TBX20: variants seen among roughly 807,000 people sequenced by gnomAD.
TBX20 encodes T-box transcription factor TBX20.
A neutral mutation model predicts 42.9 loss-of-function variants in TBX20; 8 were observed. The observed-to-expected ratio is 0.19, with a 90% CI of 0.11 to 0.34. TBX20 has a LOEUF of 0.34. TBX20 is among the 10% of genes least tolerant of loss of function. TBX20 has a pLI of 1.00. For missense variants in TBX20, 411 were observed against 566.0 expected (o/e 0.73, Z 2.78); for synonymous variants, 198 against 222.8 (o/e 0.89, Z 0.99).
chr7:35,223,538 T>C (rs1257853339), intron 6 of TBX20, among the ~76,000 whole-genome samples: 5 of 151,890 alleles, frequency 3.3e-5, no homozygotes, highest in Admixed American at 6.6e-5. Flanking sequence ...ACAGAAAGCA[T>C]GGTAAATGAA....
At chr7:35,235,096 GA>G (rs1339508444) in intron 5 of TBX20, among the ~76,000 whole-genome samples, 2 of 151,866 alleles carry the variant, frequency 1.3e-5, no homozygotes, top group African/African-American at 4.8e-5. Context: ...GAATTTACAG[GA>G]AAAGCATTTC....
intron 7 of TBX20, among the ~76,000 whole-genome samples, chr7:35,203,277 A>C (rs1789338128): frequency 6.6e-6 from 1 of 152,138 alleles, no homozygotes; most frequent in African/African-American, 2.4e-5. Flanking sequence ...TGTCCCTTGA[A>C]CAACAGGGGT....
At chr7:35,213,952 GAA>G (rs1789540686) in intron 6 of TBX20, among the ~76,000 whole-genome samples, 1 of 150,986 alleles carries the variant, frequency 6.6e-6, no homozygotes, top group Non-Finnish European at 1.5e-5. Context: ...GAGTTGGGGT[GAA>G]AAGTGGGGGA....
intron 5 of TBX20, among the ~76,000 whole-genome samples, chr7:35,237,922 T>C (rs1410824759): frequency 1.3e-5 from 2 of 152,076 alleles, no homozygotes; most frequent in Non-Finnish European, 2.9e-5. Context: ...TCTCAGAGTC[T>C]ATCAGGGCCA....
Position 35,249,302 on chromosome 7 carries a change from G to A in TBX20, c.381-461C>T, listed in dbSNP as rs879083317. Among the ~76,000 whole-genome samples, 3 of 152,276 alleles carry A rather than the reference G, an allele frequency of 2.0e-5. No homozygotes were observed. The highest frequency in any genetic ancestry group is 2.1e-4 in the South Asian group (1 of 4,828). ...GGTTTCTGGGAAGGATTTCTCAGAT[G>A]CCCTGCAGGTATTTTCTGTAGTCCC... On this transcript the variant is annotated intron_variant, in intron 2 of 7. Coordinates refer to ENST00000408931, the MANE Select transcript of TBX20 (RefSeq NM_001077653.2). This position sits in a 1 kb window ranked among gnomAD's most constrained non-coding sequence, Gnocchi z 4.3.
chr7:35,240,990 A>C lies in TBX20; in HGVS notation c.702T>G (p.Ile234Met), dbSNP rs1392725266. Residue 234 changes from isoleucine to methionine, a missense_variant, in exon 5 of 8, where the codon ATT (isoleucine) becomes ATG (methionine). Physicochemically the swap from Ile to Met is conservative, Grantham distance 10 (BLOSUM62 1). Coordinates refer to ENST00000408931, the MANE Select transcript of TBX20 (RefSeq NM_001077653.2). Reference protein sequence around the residue: ...MHKYQPRVHIIKKKDHTASLL... With the variant: ...MHKYQPRVHIMKKKDHTASLL... ...ATGAGGCTGTGTGGTCTTTCTTCTT[A>C]ATGATGTGCACCCTTGGCTGGTACT... The C allele has an allele frequency of 1.2e-6, 2 of 1,613,836 alleles. No individual in the cohort carries two copies. The highest frequency in any genetic ancestry group is 3.3e-5 in the Admixed American group (2 of 60,022).
At chr7:35,220,722 C>T (rs185288744) in intron 6 of TBX20, among the ~76,000 whole-genome samples, 2 of 152,236 alleles carry the variant, frequency 1.3e-5, no homozygotes. Flanking sequence ...CTGGACATTA[C>T]AAAATATTCA....
At chr7:35,239,641 G>A (rs906577580) in intron 5 of TBX20, among the ~76,000 whole-genome samples, 21 of 152,216 alleles carry the variant, frequency 1.4e-4, no homozygotes, top group African/African-American at 5.1e-4. Flanking sequence ...AGAAGAAAAT[G>A]TATGGGAAGT....
chr7:35,204,518 C>T lies in TBX20; in HGVS notation c.955G>A (p.Gly319Arg), dbSNP rs1307889134. Residue 319 changes from glycine (G) to arginine (R), a missense_variant, in exon 7 of 8, where the codon GGA becomes AGA. By Grantham distance (125) the Gly-to-Arg change is moderately radical. Transcript: ENST00000408931. ...YARSPIRTYG[G>R]EEDVLGDESQ... is the part of the protein sequence containing the mutation. Reference sequence around the variant, plus strand: ...TCATCCCCCAAGACATCTTCTTCTCCTCCGTAGGTACGGATGGGTGAGCGT... The same window carrying T: ...TCATCCCCCAAGACATCTTCTTCTCTTCCGTAGGTACGGATGGGTGAGCGT... 6 of 1,614,008 alleles carry T rather than the reference C, an allele frequency of 3.7e-6. No individual in the cohort carries two copies. Among genetic ancestry groups the T allele is most frequent in the African/African-American group, 1.3e-5 (1 of 74,918 alleles).
At chr7:35,247,996 G>C (rs1451453821) in intron 3 of TBX20, among the ~76,000 whole-genome samples, 1 of 152,112 alleles carries the variant, frequency 6.6e-6, no homozygotes, top group Non-Finnish European at 1.5e-5. Flanking sequence ...GGTACTCCTG[G>C]AAAAACTGTA....
At chr7:35,239,190 T>C (rs1339863623) in intron 5 of TBX20, among the ~76,000 whole-genome samples, 1 of 152,120 alleles carries the variant, frequency 6.6e-6, no homozygotes, top group Admixed American at 6.5e-5. Context: ...CCACATCCCT[T>C]TTCCAGGCTT....
rs565504258 is a variant in TBX20 at position 35,203,897 on chromosome 7, T to C, written c.1003+573A>G. On this transcript the variant is annotated intron_variant, in intron 7 of 7. Transcript: ENST00000408931. ...CAGAATGGAGCCCCTCTGGGCTCTTTTCTCTGGACTCTCTTCCCAGATGCA... is the reference window on the plus strand; with the variant it reads ...CAGAATGGAGCCCCTCTGGGCTCTTCTCTCTGGACTCTCTTCCCAGATGCA... 2.8e-4 allele frequency among the ~76,000 whole-genome samples: 42 copies of C among 152,360 alleles called. No homozygotes were observed. In the South Asian group the frequency reaches 8.7e-3, roughly 32 times the overall value.
intron 3 of TBX20, 73 bp from the exon 4 acceptor site, chr7:35,245,130 A>G: frequency 9.0e-7 from 1 of 1,109,362 alleles, no homozygotes; most frequent in Non-Finnish European, 1.3e-6. Context: ...AAAATGTTCT[A>G]ATTCTAAGGG....
chr7:35,238,029 A>C (rs1351169338), intron 5 of TBX20, among the ~76,000 whole-genome samples: 1 of 152,158 alleles, frequency 6.6e-6, no homozygotes, highest in African/African-American at 2.4e-5. Flanking sequence ...AACCACCTGA[A>C]TTCAAATCTG....
chr7:35,250,154 G>A lies in TBX20; in HGVS notation c.177C>T (p.Thr59=), dbSNP rs751566851. ...CAAACTCCCCATGAGCATCCAGGCTGGTCAGCTCACCCAGGGGCTGGGCAC... is the reference window on the plus strand; with the variant it reads ...CAAACTCCCCATGAGCATCCAGGCTAGTCAGCTCACCCAGGGGCTGGGCAC... ...SSCAQPLGEL[T]SLDAHGEFGG... The change falls in exon 2 of 8, where the codon ACC becomes ACT. Residue 59 remains threonine (T), a synonymous_variant. Transcript: ENST00000408931. The A allele has an allele frequency of 2.5e-6, 4 of 1,614,000 alleles. No homozygotes were observed. Among genetic ancestry groups the A allele is most frequent in the East Asian group, 2.2e-5 (1 of 44,868 alleles).
chr7:35,253,773 C>T lies in TBX20; in HGVS notation c.-153G>A. 2 of 895,000 alleles carry T rather than the reference C, an allele frequency of 2.2e-6. No individual in the cohort carries two copies. Among genetic ancestry groups the T allele is most frequent in the East Asian group, 2.6e-5 (1 of 38,386 alleles). The allele number at this position is 895,000 out of a possible 1,614,324, so 55.4% of individuals were successfully genotyped here. The stretch of plus-strand genomic sequence containing the variant: ...CCAGAAGTGTCAGCTCCAACGACTC[C>T]AGAGCTGCACACTGGCCTCTATTCC... On this transcript the variant is annotated 5_prime_UTR_variant, in exon 1 of 8. Coordinates refer to ENST00000408931, the MANE Select transcript of TBX20 (RefSeq NM_001077653.2).
At chr7:35,245,145 C>T in intron 3 of TBX20, 88 bp from the exon 4 acceptor site, 43 of 963,174 alleles carry the variant, frequency 4.5e-5, no homozygotes, top group Non-Finnish European at 6.8e-5. Context: ...TAAGGGAACA[C>T]ATAAACCATA....
intron 6 of TBX20, among the ~76,000 whole-genome samples, chr7:35,218,027 A>G (rs1187088421): frequency 2.6e-5 from 4 of 152,204 alleles, no homozygotes; most frequent in African/African-American, 4.8e-5. Flanking sequence ...GCCCAAAAGC[A>G]GACTTTAATC....
intron 6 of TBX20, among the ~76,000 whole-genome samples, chr7:35,220,807 CAGA>C (rs1789669609): frequency 6.6e-6 from 1 of 152,182 alleles, no homozygotes; most frequent in Non-Finnish European, 1.5e-5. Context: ...TTGCAAGAAA[CAGA>C]AGGACACATT....
Sources: gnomAD v4.1 joint callset for allele counts (sites outside exome capture counted in the v4.1 genomes callset) on GRCh38, gnomAD v4.1.1 for gene constraint, Gnocchi (gnomAD v3.1) non-coding constraint, MANE v1.5 for transcripts, NCBI Gene and HGNC (gene_info 2026-07-23, HGNC 2026-07-21) for gene names.